CDH18: variants seen among roughly 807,000 people sequenced by gnomAD.
CDH18 encodes the protein cadherin 18.
In CDH18, 31 loss-of-function variants were observed where a neutral mutation model predicts 67.9. The ratio of observed to expected loss-of-function variants is 0.46; its 90% CI spans 0.34 to 0.62. The LOEUF (loss-of-function observed/expected upper bound fraction) is 0.62, where lower values mean the gene tolerates loss of function less well. CDH18 is among the 20% of genes least tolerant of loss of function. The pLI is 0.01. For synonymous variants in CDH18, 362 were observed against 347.2 expected (o/e 1.04, Z -0.48); for missense variants, 890 against 975.5 (o/e 0.91, Z 1.17).
At chr5:19,817,264 C>T (rs1424096691) in intron 3 of CDH18, among the ~76,000 whole-genome samples, 2 of 151,894 alleles carry the variant, frequency 1.3e-5, no homozygotes, top group Non-Finnish European at 2.9e-5. Context: ...CACTCTTACA[C>T]ATCATTGGCA....
At chr5:20,548,439 T>TTGTGTGTG (rs70954668) in intron 1 of CDH18, among the ~76,000 whole-genome samples, 5,582 of 146,780 alleles carry the variant, frequency 0.038, 135 homozygotes, top group South Asian at 0.063. Context: ...GAGAACATGT[T>TTGTGTGTG]TGTGTGTGTG....
chr5:19,873,472 T>G (rs1052588983), intron 2 of CDH18, among the ~76,000 whole-genome samples: 4 of 151,870 alleles, frequency 2.6e-5, no homozygotes, highest in Non-Finnish European at 2.9e-5. Flanking sequence ...GAGAAGAGGC[T>G]TAGGAAAGGC....
At chr5:20,436,509 A>G (rs1357939754) in intron 1 of CDH18, among the ~76,000 whole-genome samples, 1 of 151,904 alleles carries the variant, frequency 6.6e-6, no homozygotes, top group African/African-American at 2.4e-5. Flanking sequence ...TAAAAGTAAC[A>G]GGACACGTGG....
intron 3 of CDH18, among the ~76,000 whole-genome samples, chr5:19,798,607 A>G (rs1777099139): frequency 6.6e-6 from 1 of 152,068 alleles, no homozygotes; most frequent in Non-Finnish European, 1.5e-5. Context: ...AGTTTTAGAA[A>G]AAAATCTCAA....
chr5:20,149,187 A>G (rs1213816172), intron 2 of CDH18, among the ~76,000 whole-genome samples: 1 of 152,138 alleles, frequency 6.6e-6, no homozygotes, highest in African/African-American at 2.4e-5. Flanking sequence ...TCAATTTTAA[A>G]TTCTTAAATA....
intron 1 of CDH18, among the ~76,000 whole-genome samples, chr5:20,312,434 TA>T (rs917378676): frequency 4.0e-4 from 61 of 152,168 alleles, no homozygotes; most frequent in Non-Finnish European, 1.0e-4. Flanking sequence ...AAAGTCACCA[TA>T]AGGGGACTAT....
chr5:19,713,766 A>G (rs1373239531), intron 5 of CDH18, among the ~76,000 whole-genome samples: 3 of 152,164 alleles, frequency 2.0e-5, no homozygotes, highest in African/African-American at 7.2e-5. Flanking sequence ...CAAACCTAAT[A>G]TACCTTTTGA....
intron 2 of CDH18, among the ~76,000 whole-genome samples, chr5:20,202,928 A>T (rs1434395617): frequency 6.6e-6 from 1 of 152,276 alleles, no homozygotes; most frequent in Non-Finnish European, 1.5e-5. Flanking sequence ...AAAACAAAAC[A>T]AAACAAACAT....
At chr5:20,344,920 T>G (rs527912959) in intron 1 of CDH18, among the ~76,000 whole-genome samples, 175 of 152,296 alleles carry the variant, frequency 1.1e-3, no homozygotes, top group Non-Finnish European at 2.0e-3. Flanking sequence ...CTTGGTGTCA[T>G]TGCATTTGTT....
chr5:19,994,258 T>TACACATATATGTATACATATAC (rs1298181438), intron 2 of CDH18, among the ~76,000 whole-genome samples: 186 of 148,182 alleles, frequency 1.3e-3, no homozygotes, highest in African/African-American at 4.5e-3. Flanking sequence ...TACACATATA[T>TACACATATATGTATACATATAC]ACACATATAT....
chr5:19,534,297 TA>T (rs144322921), intron 9 of CDH18, among the ~76,000 whole-genome samples: 33 of 151,210 alleles, frequency 2.2e-4, no homozygotes, highest in East Asian at 5.8e-4. Context: ...ATTAATACAT[TA>T]AAAAAAAACT....
At chr5:20,415,156 C>T (rs777708806) in intron 1 of CDH18, among the ~76,000 whole-genome samples, 9 of 151,828 alleles carry the variant, frequency 5.9e-5, no homozygotes, top group Admixed American at 5.3e-4. Context: ...GAGGCTGAGG[C>T]GGGTGGATTC....
intron 2 of CDH18, among the ~76,000 whole-genome samples, chr5:19,935,100 G>T (rs1794091539): frequency 6.6e-6 from 1 of 151,136 alleles, no homozygotes; most frequent in Non-Finnish European, 1.5e-5. Context: ...TTCATTGTTA[G>T]CTGACTCTTT....
chr5:20,504,322 G>A (rs973084333), intron 1 of CDH18, among the ~76,000 whole-genome samples: 2 of 152,094 alleles, frequency 1.3e-5, no homozygotes, highest in Admixed American at 1.3e-4. Context: ...TGAAAAATCT[G>A]CCATATGAAA....
intron 3 of CDH18, among the ~76,000 whole-genome samples, chr5:19,783,076 T>G (rs910979777): frequency 6.6e-6 from 1 of 152,224 alleles, no homozygotes; most frequent in African/African-American, 2.4e-5. Context: ...GAAAGTTCTT[T>G]GCTGCTCTAA....
intron 11 of CDH18, chr5:19,502,635 G>T (rs1230026199): frequency 9.2e-6 from 4 of 436,512 alleles, no homozygotes; most frequent in African/African-American, 8.2e-5. Context: ...TTTAGTAACT[G>T]TCTCTAGGAT....
At chr5:20,222,864 T>C (rs1175589173) in intron 2 of CDH18, among the ~76,000 whole-genome samples, 1 of 152,096 alleles carries the variant, frequency 6.6e-6, no homozygotes, top group Non-Finnish European at 1.5e-5. Flanking sequence ...TGAGTTTACA[T>C]TTTTAAAAAT....
intron 2 of CDH18, among the ~76,000 whole-genome samples, chr5:20,088,619 C>A (rs1456040138): frequency 6.6e-6 from 1 of 152,158 alleles, no homozygotes; most frequent in East Asian, 1.9e-4. Context: ...AGGAAAAAAT[C>A]AGGGCCAGAA....
chr5:20,446,430 A>C (rs776165336), intron 1 of CDH18, among the ~76,000 whole-genome samples: 1 of 152,154 alleles, frequency 6.6e-6, no homozygotes, highest in Non-Finnish European at 1.5e-5. Flanking sequence ...GGATGGGATC[A>C]AGAACAAAGT....
Sources: gnomAD v4.1 joint callset for allele counts (sites outside exome capture counted in the v4.1 genomes callset) on GRCh38, gnomAD v4.1.1 for gene constraint, MANE v1.5 for transcripts, NCBI Gene and HGNC (gene_info 2026-07-23, HGNC 2026-07-21) for gene names.